The following KCNH5 variants were observed in gnomAD, a reference collection of about 807,000 sequenced individuals.
The protein encoded by KCNH5 is potassium voltage-gated channel subfamily H member 5.
KCNH5 carries 46 observed loss-of-function variants against 96.1 expected under a neutral mutation model. The observed-to-expected ratio is 0.48, with a 90% CI of 0.38 to 0.61. The LOEUF is 0.61. KCNH5 is among the 20% of genes least tolerant of loss of function. The pLI is 0.00. For missense variants in KCNH5, 907 were observed against 1,225.8 expected (o/e 0.74, Z 3.88); for synonymous variants, 439 against 449.8 (o/e 0.98, Z 0.30).
At chr14:62,907,535 A>C (rs1889053481) in intron 7 of KCNH5, among the ~76,000 whole-genome samples, 1 of 152,208 alleles carries the variant, frequency 6.6e-6, no homozygotes, top group East Asian at 1.9e-4. Flanking sequence ...AGTATATAAT[A>C]AGAGTCCTGA....
intron 6 of KCNH5, among the ~76,000 whole-genome samples, chr14:62,969,028 T>C (rs1380038295): frequency 6.6e-6 from 1 of 152,198 alleles, no homozygotes. Flanking sequence ...AGAATCACTA[T>C]ATGTATTAAA....
intron 10 of KCNH5, among the ~76,000 whole-genome samples, chr14:62,770,909 C>G (rs943227662): frequency 7.2e-5 from 11 of 152,166 alleles, no homozygotes; most frequent in African/African-American, 2.2e-4. Context: ...TATGGGGAAG[C>G]CTTAACCTCT....
intron 9 of KCNH5, 66 bp downstream of exon 9, chr14:62,802,263 G>T (rs748492940): frequency 2.4e-4 from 375 of 1,532,268 alleles, no homozygotes; most frequent in Non-Finnish European, 3.2e-4. Context: ...CTTTAAAAAT[G>T]CGAAAAGCAA....
intron 10 of KCNH5, among the ~76,000 whole-genome samples, chr14:62,736,298 A>G (rs1885155062): frequency 6.6e-6 from 1 of 152,024 alleles, no homozygotes; most frequent in Non-Finnish European, 1.5e-5. Context: ...AAAATCCTCC[A>G]CTGGCTTCCT....
intron 7 of KCNH5, among the ~76,000 whole-genome samples, chr14:62,865,561 G>A (rs1486455340): frequency 6.6e-6 from 1 of 152,254 alleles, no homozygotes; most frequent in East Asian, 1.9e-4. Flanking sequence ...TAAGTCAGAG[G>A]ACTCTAACAC....
chr14:62,931,409 T>C (rs1444933352), intron 7 of KCNH5, among the ~76,000 whole-genome samples: 1 of 152,088 alleles, frequency 6.6e-6, no homozygotes, highest in African/African-American at 2.4e-5. Context: ...CAGCCAGAGA[T>C]AGAGGGTTGA....
At chr14:63,003,462 TTTATATATA>T (rs1203676218) in intron 3 of KCNH5, among the ~76,000 whole-genome samples, 18 of 133,884 alleles carry the variant, frequency 1.3e-4, no homozygotes, top group Non-Finnish European at 2.0e-4. Flanking sequence ...ATATATATAT[TTTATATATA>T]TTATATATAT....
chr14:62,808,986 A>C (rs1443674232), intron 8 of KCNH5, among the ~76,000 whole-genome samples: 2 of 152,130 alleles, frequency 1.3e-5, no homozygotes, highest in African/African-American at 4.8e-5. Context: ...AACTCTCATG[A>C]AGAGCTGGAA....
intron 10 of KCNH5, among the ~76,000 whole-genome samples, chr14:62,731,051 T>C (rs987017159): frequency 1.2e-4 from 19 of 152,132 alleles, no homozygotes; most frequent in African/African-American, 4.6e-4. Flanking sequence ...CTGTAATCCC[T>C]GCACTTTGGG....
intron 4 of KCNH5, among the ~76,000 whole-genome samples, chr14:62,994,264 T>G (rs1235029122): frequency 1.3e-5 from 2 of 152,092 alleles, no homozygotes; most frequent in African/African-American, 4.8e-5. Context: ...TGTTATTTTT[T>G]ATTCTATGGG....
At chr14:62,730,663 G>A (rs1885029831) in intron 10 of KCNH5, among the ~76,000 whole-genome samples, 1 of 152,140 alleles carries the variant, frequency 6.6e-6, no homozygotes, top group South Asian at 2.1e-4. Context: ...CAACAACAGG[G>A]GAGTGTTTAT....
In KCNH5 at chr14:62,705,127, A is replaced by G. The variant is rs1052332976; in HGVS notation, c.*2381T>C. On this transcript the variant is annotated 3_prime_UTR_variant, in exon 11 of 11. Coordinates refer to ENST00000322893, the MANE Select transcript of KCNH5 (RefSeq NM_139318.5). ...CAAAACCATTATGTTTCTCACATAT[A>G]TGAACAATAACATTGTAGGTCGATT... The G allele has an allele frequency of 6.6e-6, 1 of 152,016 alleles. No homozygotes were observed. Among genetic ancestry groups the G allele is most frequent in the Non-Finnish European group, 1.5e-5 (1 of 67,870 alleles). 9.4% of individuals were successfully genotyped at this position (152,016 alleles called of 1,614,324 possible).
chr14:62,910,941 A>ACACACACACACACACACC (rs61033705), intron 7 of KCNH5, among the ~76,000 whole-genome samples: 49 of 140,886 alleles, frequency 3.5e-4, no homozygotes, highest in East Asian at 2.3e-3. Flanking sequence ...ACACACACAC[A>ACACACACACACACACACC]CCCCTCTGTT....
Position 62,705,522 on chromosome 14 carries a change from T to C in KCNH5, c.*1986A>G, listed in dbSNP as rs1189044306. 2 of 152,074 alleles carry C rather than the reference T, an allele frequency of 1.3e-5. No homozygotes were observed. Among genetic ancestry groups the C allele is most frequent in the Non-Finnish European group, 2.9e-5 (2 of 67,856 alleles). The allele number at this position is 152,074 out of a possible 1,614,324, so 9.4% of individuals were successfully genotyped here. ...TTATTTCATTTTCTTGTGTTTGTGG[T>C]AGGTAGATATTGTAGCATTACATGG... On this transcript the variant is annotated 3_prime_UTR_variant, in exon 11 of 11. Coordinates refer to ENST00000322893, the MANE Select transcript of KCNH5 (RefSeq NM_139318.5).
chr14:62,984,817 A>C (rs1028508376), intron 5 of KCNH5, among the ~76,000 whole-genome samples: 1 of 152,156 alleles, frequency 6.6e-6, no homozygotes, highest in Non-Finnish European at 1.5e-5. Context: ...TAAAAATGAG[A>C]AAATGTCAAG....
At chr14:63,034,778 G>C (rs1011483824) in intron 1 of KCNH5, among the ~76,000 whole-genome samples, 1 of 152,122 alleles carries the variant, frequency 6.6e-6, no homozygotes, top group East Asian at 1.9e-4. Flanking sequence ...CAAAATGCAT[G>C]AGATACTTTA....
chr14:62,710,269 T>C (rs192068142), intron 10 of KCNH5, among the ~76,000 whole-genome samples: 75 of 152,296 alleles, frequency 4.9e-4, no homozygotes, highest in Admixed American at 1.6e-3. Flanking sequence ...TATTTTGAAA[T>C]AAATTCAGTA....
At chr14:62,867,666 C>T (rs561907098) in intron 7 of KCNH5, among the ~76,000 whole-genome samples, 2 of 152,202 alleles carry the variant, frequency 1.3e-5, no homozygotes, top group African/African-American at 4.8e-5. Flanking sequence ...GAAAAGTTTC[C>T]AGGGGCTCTT....
intron 7 of KCNH5, among the ~76,000 whole-genome samples, chr14:62,948,416 G>A (rs889566735): frequency 9.9e-5 from 15 of 152,114 alleles, no homozygotes; most frequent in African/African-American, 3.1e-4. Flanking sequence ...TAGAAGAAAT[G>A]GATAAATTCC....
Sources: allele counts gnomAD v4.1 joint callset (sites outside exome capture counted in the v4.1 genomes callset), GRCh38; gene constraint gnomAD v4.1.1; transcripts MANE v1.5; gene names NCBI Gene and HGNC (gene_info 2026-07-23, HGNC 2026-07-21).